The following SLC26A5 variants were observed in gnomAD, a reference collection of about 807,000 sequenced individuals.
SLC26A5 encodes prestin.
SLC26A5 carries 51 observed loss-of-function variants against 81.0 expected under a neutral mutation model. The ratio of observed to expected loss-of-function variants is 0.63; its 90% CI spans 0.50 to 0.80. The LOEUF (loss-of-function observed/expected upper bound fraction) is 0.80, where lower values mean the gene tolerates loss of function less well. Ranked by LOEUF, SLC26A5 falls within the 30% of genes least tolerant of loss-of-function variation. SLC26A5 has a pLI of 0.00. For missense variants in SLC26A5, 771 were observed against 905.8 expected (o/e 0.85, Z 1.91); for synonymous variants, 325 against 332.8 (o/e 0.98, Z 0.25).
chr7:103,425,466 TGA>T (rs997887706), intron 2 of SLC26A5, among the ~76,000 whole-genome samples: 7 of 152,012 alleles, frequency 4.6e-5, no homozygotes, highest in African/African-American at 1.7e-4. Context: ...GCTTAGAATC[TGA>T]GAGAGAGAGA....
At chr7:103,427,028 C>A (rs1164091901) in intron 2 of SLC26A5, among the ~76,000 whole-genome samples, 3 of 151,592 alleles carry the variant, frequency 2.0e-5, no homozygotes, top group Non-Finnish European at 2.9e-5. Context: ...TCGCCACAGG[C>A]AGGAAGGGAG....
rs770391778 is a variant in SLC26A5 at position 103,362,686 on chromosome 7, C to T, written c.2042-9760G>A. On this transcript the variant is annotated intron_variant, in intron 19 of 19. Transcript: ENST00000339444. ...ATGACTATCTTTTTTACTTCCTTAG[C>T]GTGGATAGAAATAAATATCAAATTC... 1.6e-5 allele frequency: 25 copies of T among 1,599,594 alleles called. No homozygotes were observed. The highest frequency in any genetic ancestry group is 6.7e-5 in the African/African-American group (5 of 74,504).
At chr7:103,416,264 T>C (rs1226497761) in intron 4 of SLC26A5, among the ~76,000 whole-genome samples, 3 of 152,246 alleles carry the variant, frequency 2.0e-5, no homozygotes, top group Non-Finnish European at 4.4e-5. Context: ...TGGCTCTTCG[T>C]TTACTGATGG....
At chr7:103,373,170 A>G (rs1356342898), downstream of SLC26A5, among the ~76,000 whole-genome samples, 1 of 152,228 alleles carries the variant, frequency 6.6e-6, no homozygotes, top group Non-Finnish European at 1.5e-5. Flanking sequence ...GTAAATGGTA[A>G]TTCATTCAAT....
intron 11 of SLC26A5, among the ~76,000 whole-genome samples, chr7:103,391,007 A>G (rs1432874954): frequency 2.0e-5 from 3 of 151,990 alleles, no homozygotes; most frequent in Non-Finnish European, 4.4e-5. Flanking sequence ...CTGGGACTAC[A>G]GGCATCCGCC....
At chr7:103,432,900 T>C (rs540170190) in intron 2 of SLC26A5, among the ~76,000 whole-genome samples, 3 of 152,140 alleles carry the variant, frequency 2.0e-5, no homozygotes, top group African/African-American at 4.8e-5. Flanking sequence ...ACTGTTGGTG[T>C]TTGTTTAATA....
At chr7:103,356,490 A>G (rs1820039221) in intron 19 of SLC26A5, among the ~76,000 whole-genome samples, 1 of 152,192 alleles carries the variant, frequency 6.6e-6, no homozygotes, top group Non-Finnish European at 1.5e-5. Context: ...TTGTCTGATC[A>G]ATGTAAGATA....
At chr7:103,418,669 T>C (rs1825106630) in intron 4 of SLC26A5, among the ~76,000 whole-genome samples, 1 of 152,178 alleles carries the variant, frequency 6.6e-6, no homozygotes, top group Admixed American at 6.5e-5. Context: ...TAATTGATCA[T>C]TAGGGGAAGT....
chr7:103,415,441 C>A (rs1184721976), intron 4 of SLC26A5, among the ~76,000 whole-genome samples: 1 of 152,162 alleles, frequency 6.6e-6, no homozygotes, highest in Non-Finnish European at 1.5e-5. Flanking sequence ...CCACTTCTGG[C>A]AGGAGACATT....
At chr7:103,426,996 A>G (rs1337013273) in intron 2 of SLC26A5, among the ~76,000 whole-genome samples, 1 of 152,176 alleles carries the variant, frequency 6.6e-6, no homozygotes, top group East Asian at 1.9e-4. Context: ...AAGCAAATTG[A>G]CCTAGAGCTT....
chr7:103,440,270 TAA>T (rs1473279687), intron 2 of SLC26A5, among the ~76,000 whole-genome samples: 1 of 152,192 alleles, frequency 6.6e-6, no homozygotes, highest in Non-Finnish European at 1.5e-5. Context: ...AGATTGTTGT[TAA>T]AAGTGTTCAA....
intron 3 of SLC26A5, 72 bp from the exon 4 acceptor site, chr7:103,420,949 T>C: frequency 6.7e-7 from 1 of 1,502,572 alleles, no homozygotes. Flanking sequence ...AACCAAAGCA[T>C]TTTCCCTTCC....
At chr7:103,384,164 G>T (rs1414870895) in intron 14 of SLC26A5, among the ~76,000 whole-genome samples, 1 of 151,312 alleles carries the variant, frequency 6.6e-6, no homozygotes, top group Non-Finnish European at 1.5e-5. Flanking sequence ...TTTTTTTTTT[G>T]GTAGAGGCAT....
At position 103,364,796 on chromosome 7, in the gene SLC26A5, C is replaced by T. The variant is rs1820603854; in HGVS notation, c.2042-11870G>A. 2.0e-5 allele frequency among the ~76,000 whole-genome samples: 3 copies of T among 151,968 alleles called. No individual in the cohort carries two copies. In the South Asian group the frequency reaches 6.2e-4, roughly 32 times the overall value. On this transcript the variant is annotated intron_variant, in intron 19 of 19. Coordinates refer to the SLC26A5 transcript ENST00000339444. ...ATAGGCAACCACTTAAAATTTTAACCAGTATGCCCCCTCCTCAAAAGGGTG... is the reference window on the plus strand; with the variant it reads ...ATAGGCAACCACTTAAAATTTTAACTAGTATGCCCCCTCCTCAAAAGGGTG...
At chr7:103,393,804 T>C (rs1370831729) in intron 9 of SLC26A5, among the ~76,000 whole-genome samples, 2 of 152,138 alleles carry the variant, frequency 1.3e-5, no homozygotes, top group Non-Finnish European at 2.9e-5. Flanking sequence ...TAGAATGTTA[T>C]GGGGGAAGGG....
intron 9 of SLC26A5, among the ~76,000 whole-genome samples, chr7:103,396,501 G>A (rs2116524420): frequency 6.6e-6 from 1 of 152,220 alleles, no homozygotes; most frequent in African/African-American, 2.4e-5. Context: ...CCTTAAGAAG[G>A]GAAGAAAATA....
intron 5 of SLC26A5, among the ~76,000 whole-genome samples, chr7:103,411,981 C>T (rs565468435): frequency 6.6e-6 from 1 of 152,192 alleles, no homozygotes; most frequent in South Asian, 2.1e-4. Flanking sequence ...CTGCTGAAGC[C>T]CTAAGTCACC....
At chr7:103,427,118 G>A (rs1470488298) in intron 2 of SLC26A5, among the ~76,000 whole-genome samples, 1 of 150,830 alleles carries the variant, frequency 6.6e-6, no homozygotes, top group South Asian at 2.1e-4. Context: ...CTGTTGCCTA[G>A]GCTGGAGTGC....
chr7:103,361,669 C>T (rs942430272), intron 19 of SLC26A5, among the ~76,000 whole-genome samples: 2 of 151,962 alleles, frequency 1.3e-5, no homozygotes, highest in African/African-American at 4.8e-5. Context: ...AGGAGCATCA[C>T]TAATAATAAA....
Sources: gnomAD v4.1 joint callset for allele counts (sites outside exome capture counted in the v4.1 genomes callset) on GRCh38, gnomAD v4.1.1 for gene constraint, MANE v1.5 for transcripts, NCBI Gene and HGNC (gene_info 2026-07-23, HGNC 2026-07-21) for gene names.